Variants in DGKD observed in about 807,000 individuals in gnomAD.
DGKD encodes the protein diacylglycerol kinase delta.
Under a neutral mutation model 154.4 loss-of-function variants are expected in DGKD, and 68 were observed. The observed-to-expected ratio is 0.44, with a 90% CI of 0.36 to 0.54. The LOEUF is 0.54. Among genes scored for constraint, DGKD ranks in the 20% least tolerant of loss-of-function variants. The pLI is 0.00. For missense variants in DGKD, 1,343 were observed against 1,593.6 expected, an observed-to-expected ratio of 0.84 and a Z score of 2.68; for synonymous variants, 693 against 638.0, an observed-to-expected ratio of 1.09 and a Z score of -1.30.
At chr2:233,366,737 A>T (rs536268258) in intron 1 of DGKD, among the ~76,000 whole-genome samples, 1 of 152,082 alleles carries the variant, frequency 6.6e-6, no homozygotes, top group Non-Finnish European at 1.5e-5. Context: ...AGGATGGTTC[A>T]TCTGAGCCCG....
At chr2:233,403,734 G>A (rs1399590140) in intron 3 of DGKD, among the ~76,000 whole-genome samples, 1 of 151,454 alleles carries the variant, frequency 6.6e-6, no homozygotes, top group African/African-American at 2.4e-5. Context: ...CTGCCTCCCG[G>A]GTTCAAGCAA....
At chr2:233,360,893 G>T (rs921653137) in intron 1 of DGKD, among the ~76,000 whole-genome samples, 1 of 152,030 alleles carries the variant, frequency 6.6e-6, no homozygotes, top group African/African-American at 2.4e-5. Flanking sequence ...AGAGATAACA[G>T]ATGGAATCTC....
chr2:233,442,830 T>C (rs867502093), intron 10 of DGKD, among the ~76,000 whole-genome samples: 8 of 152,306 alleles, frequency 5.3e-5, no homozygotes, highest in Middle Eastern at 3.4e-3. Context: ...GGTCTCGATC[T>C]CTTGACCTCA....
chr2:233,397,938 G>C (rs1427970016), intron 3 of DGKD, among the ~76,000 whole-genome samples: 2 of 151,928 alleles, frequency 1.3e-5, no homozygotes, highest in African/African-American at 4.8e-5. Flanking sequence ...GTGGGGTGGT[G>C]GGGGAGGCTT....
intron 1 of DGKD, chr2:233,386,095 A>G (rs1703160926): frequency 2.4e-6 from 1 of 415,292 alleles, no homozygotes; most frequent in South Asian, 1.7e-5. Context: ...AAGAAAAAAT[A>G]CTCCAGCATC....
At position 233,450,061 on chromosome 2, in the gene DGKD, C is replaced by T; in HGVS notation, c.1968C>T (p.Asp656=). Residue 656 remains aspartate, a synonymous_variant, in exon 16 of 30, where the codon GAC becomes GAT. Coordinates refer to ENST00000264057, the MANE Select transcript of DGKD (RefSeq NM_152879.3). ...TCTCTGAGTCAGAGGAGAAGATGGA[C>T]CACAGAGTGTGCCCACCACTGTCCC... is the stretch of plus-strand genomic sequence containing the variant. ...LGLSESEEKM[D]HRVCPPLSHS... 6.2e-7 allele frequency: 1 copy of T among 1,614,008 alleles called. No individual in the cohort carries two copies. The highest frequency in any genetic ancestry group is 1.1e-5 in the South Asian group (1 of 91,078).
intron 12 of DGKD, 131 bp downstream of exon 12, chr2:233,446,927 G>A (rs992709502): frequency 3.0e-5 from 31 of 1,035,080 alleles, no homozygotes; most frequent in Non-Finnish European, 3.4e-5. Flanking sequence ...TCAGGCCTGC[G>A]GAGGCGCAGG....
At chr2:233,368,379 G>A (rs1438156086) in intron 1 of DGKD, among the ~76,000 whole-genome samples, 1 of 152,034 alleles carries the variant, frequency 6.6e-6, no homozygotes, top group Non-Finnish European at 1.5e-5. Flanking sequence ...GGGCATCGTG[G>A]TGGACACCTG....
At chr2:233,396,681 C>T (rs759745541) in intron 3 of DGKD, among the ~76,000 whole-genome samples, 1 of 152,134 alleles carries the variant, frequency 6.6e-6, no homozygotes, top group African/African-American at 2.4e-5. Flanking sequence ...AGTGGTAAAT[C>T]CACTGAGGGA....
Position 233,441,667 on chromosome 2 carries a change from T to C in DGKD, c.1086-220T>C, listed in dbSNP as rs1443434351. On this transcript the variant is annotated intron_variant, in intron 9 of 29. Transcript: ENST00000264057. The surrounding 1 kb of genome is among the most constrained non-coding windows in gnomAD (Gnocchi z 5.6). The stretch of plus-strand genomic sequence containing the variant: ...TTGTCGCTGGGTGGGGCGTGGCTGG[T>C]GGGAGCAGTTGGCTGGACCCCAGTG... Among the ~76,000 whole-genome samples the C allele has an allele frequency of 6.6e-6, 1 of 152,022 alleles. No homozygotes were observed. Among genetic ancestry groups the C allele is most frequent in the Non-Finnish European group, 1.5e-5 (1 of 67,988 alleles).
chr2:233,442,212 G>A (rs1373137358), intron 10 of DGKD: 1 of 672,724 alleles, frequency 1.5e-6, no homozygotes. Flanking sequence ...TGGCCATGAT[G>A]TATGAGGGGG....
Position 233,357,600 on chromosome 2 carries a change from C to T in DGKD, c.156+2926C>T, listed in dbSNP as rs1701587991. Reference sequence around the variant, plus strand: ...TCACCCAGGCTGGAGTGCAGTGGTGCGATCTCAGCTACGGCAACCTTTGCC... The same window carrying T: ...TCACCCAGGCTGGAGTGCAGTGGTGTGATCTCAGCTACGGCAACCTTTGCC... On this transcript the variant is annotated intron_variant, in intron 1 of 29. Transcript: ENST00000264057. 2.1e-5 allele frequency among the ~76,000 whole-genome samples: 3 copies of T among 146,214 alleles called. No individual in the cohort carries two copies. In the South Asian group the frequency reaches 6.4e-4, roughly 31 times the overall value.
intron 3 of DGKD, among the ~76,000 whole-genome samples, chr2:233,419,667 A>T (rs1384523518): frequency 6.6e-6 from 1 of 152,180 alleles, no homozygotes; most frequent in Admixed American, 6.5e-5. Context: ...AGAAAGCTGC[A>T]GGTGGAAGAG....
Position 233,458,352 on chromosome 2 carries a change from G to C in DGKD, c.2649G>C (p.Met883Ile). ...EVVAVFGSMQ[M>I]AVSRVIRLQH... ...TCGCCGTGTTCGGCAGCATGCAGAT[G>C]GCCGTCTCTCGAGTCATCAGGCTAC... is the stretch of plus-strand genomic sequence containing the variant. Residue 883 changes from methionine to isoleucine, a missense_variant, in exon 22 of 30, where the codon ATG becomes ATC. This residue lies in a region of DGKD where 429 missense variants were observed against 496.3 expected (regional missense o/e 0.86). Transcript: ENST00000264057. This position sits in a 1 kb window ranked among gnomAD's most constrained non-coding sequence, Gnocchi z 6.6. 1 of 1,612,096 alleles carries C rather than the reference G, an allele frequency of 6.2e-7. No individual in the cohort carries two copies. The highest frequency in any genetic ancestry group is 8.5e-7 in the Non-Finnish European group (1 of 1,179,926).
At chr2:233,360,824 C>CCGGAGATTAGAGTT (rs1212246143) in intron 1 of DGKD, among the ~76,000 whole-genome samples, 7 of 152,092 alleles carry the variant, frequency 4.6e-5, no homozygotes, top group African/African-American at 1.7e-4. Flanking sequence ...GAAAATAGAG[C>CCGGAGATTAGAGTT]CGGAGATTAG....
chr2:233,396,977 G>GA (rs1704101997), intron 3 of DGKD, among the ~76,000 whole-genome samples: 1 of 124,612 alleles, frequency 8.0e-6, no homozygotes. Flanking sequence ...GTGGCTGGGG[G>GA]GGGCAGAGCG....
At chr2:233,435,017 G>C in intron 5 of DGKD, 116 bp downstream of exon 5, 1 of 1,407,012 alleles carries the variant, frequency 7.1e-7, no homozygotes, top group Non-Finnish European at 9.5e-7. Flanking sequence ...CATGTGGTCA[G>C]TCAAGGGCAC....
intron 3 of DGKD, among the ~76,000 whole-genome samples, chr2:233,422,734 G>A (rs2062160811): frequency 1.3e-5 from 2 of 152,138 alleles, no homozygotes; most frequent in Non-Finnish European, 2.9e-5. Flanking sequence ...ATTGTTGATG[G>A]TGGTTACTTA....
In DGKD at chr2:233,435,239, A is replaced by G. The variant is rs201974241; in HGVS notation, c.586+338A>G. Among the ~76,000 whole-genome samples the G allele has an allele frequency of 3.3e-5, 5 of 152,100 alleles. No individual in the cohort carries two copies. In the East Asian group the frequency reaches 7.7e-4, roughly 23 times the overall value. ...GCCGGGGAAACGGGGCTGTGCATATATGGACTGAAAGTGTGTTACAGACTT... is the reference window on the plus strand; with the variant it reads ...GCCGGGGAAACGGGGCTGTGCATATGTGGACTGAAAGTGTGTTACAGACTT... On this transcript the variant is annotated intron_variant, in intron 5 of 29. Coordinates refer to ENST00000264057, the MANE Select transcript of DGKD (RefSeq NM_152879.3).
Sources: allele counts gnomAD v4.1 joint callset (sites outside exome capture counted in the v4.1 genomes callset), GRCh38; gene constraint gnomAD v4.1.1; regional missense constraint gnomAD v4.1.1; non-coding constraint Gnocchi (gnomAD v3.1); transcripts MANE v1.5; gene names NCBI Gene and HGNC (gene_info 2026-07-23, HGNC 2026-07-21).